Variants in HOOK3 observed in about 807,000 individuals in gnomAD.
HOOK3 encodes protein Hook homolog 3.
HOOK3 carries 24 observed loss-of-function variants against 116.3 expected under a neutral mutation model. The ratio of observed to expected loss-of-function variants is 0.21; its 90% CI spans 0.15 to 0.29. HOOK3 has a LOEUF of 0.29. HOOK3 is among the 10% of genes least tolerant of loss of function. The pLI is 1.00. For missense variants in HOOK3, 632 were observed against 830.2 expected (o/e 0.76, Z 2.93); for synonymous variants, 275 against 283.0 (o/e 0.97, Z 0.28).
chr8:43,023,014 C>T lies in HOOK3; in HGVS notation c.*4516C>T, dbSNP rs1310528264. On this transcript the variant is annotated 3_prime_UTR_variant, in exon 22 of 22. Coordinates refer to ENST00000307602, the MANE Select transcript of HOOK3 (RefSeq NM_032410.4). ...CTGAGGTCAGGAGTTCAAGACCAGCCTGGCTAATATGGTGAAACCCCATCT... is the reference window on the plus strand; with the variant it reads ...CTGAGGTCAGGAGTTCAAGACCAGCTTGGCTAATATGGTGAAACCCCATCT... The T allele has an allele frequency of 6.4e-6, 1 of 156,864 alleles. No individual in the cohort carries two copies. Among genetic ancestry groups the T allele is most frequent in the Non-Finnish European group, 1.4e-5 (1 of 70,864 alleles). 9.7% of individuals were successfully genotyped at this position (156,864 alleles called of 1,614,324 possible). A position where few individuals can be genotyped will look rare whatever the true frequency, so the allele number is the denominator to read the frequency against.
chr8:42,907,498 A>G (rs1488096610), intron 2 of HOOK3, among the ~76,000 whole-genome samples: 2 of 152,164 alleles, frequency 1.3e-5, no homozygotes, highest in Non-Finnish European at 2.9e-5. Context: ...CACTCTGAGA[A>G]GAGTCATCTT....
At chr8:42,947,390 G>GA (rs1808249888) in intron 5 of HOOK3, among the ~76,000 whole-genome samples, 1 of 152,170 alleles carries the variant, frequency 6.6e-6, no homozygotes, top group African/African-American at 2.4e-5. Flanking sequence ...CACAACTGTT[G>GA]AGAGTCAGCT....
At chr8:43,004,757 TAC>T in intron 17 of HOOK3, among the ~76,000 whole-genome samples, 1 of 148,316 alleles carries the variant, frequency 6.7e-6, no homozygotes. Flanking sequence ...AAATCCAACA[TAC>T]TGAGTATTGC....
At chr8:42,925,288 A>G (rs891010193) in intron 2 of HOOK3, among the ~76,000 whole-genome samples, 4 of 151,862 alleles carry the variant, frequency 2.6e-5, no homozygotes, top group Non-Finnish European at 4.4e-5. Flanking sequence ...AGTAGAGACA[A>G]GGTTTCACCA....
At chr8:42,974,393 C>T (rs899694907) in intron 13 of HOOK3, among the ~76,000 whole-genome samples, 199 bp downstream of exon 13, 1 of 152,170 alleles carries the variant, frequency 6.6e-6, no homozygotes, top group Admixed American at 6.5e-5. Context: ...GCCACACCAC[C>T]ACGCCCAGCT....
intron 7 of HOOK3, among the ~76,000 whole-genome samples, chr8:42,957,996 AT>A (rs1248312208): frequency 1.3e-5 from 2 of 150,850 alleles, no homozygotes; most frequent in African/African-American, 2.4e-5. Flanking sequence ...TGCCCAGCTA[AT>A]TTTTTTTTGT....
chr8:42,989,964 T>C (rs2130456525), intron 15 of HOOK3, among the ~76,000 whole-genome samples: 1 of 152,280 alleles, frequency 6.6e-6, no homozygotes, highest in African/African-American at 2.4e-5. Flanking sequence ...TACATCTACA[T>C]ATACCACATT....
At chr8:42,995,382 C>T (rs1012349443) in intron 15 of HOOK3, among the ~76,000 whole-genome samples, 1 of 152,136 alleles carries the variant, frequency 6.6e-6, no homozygotes, top group Non-Finnish European at 1.5e-5. Flanking sequence ...TTTATCTTTC[C>T]TCACCTTTCT....
intron 18 of HOOK3, 42 bp downstream of exon 18, chr8:43,007,971 G>A (rs765680858): frequency 1.0e-6 from 1 of 993,170 alleles, no homozygotes; most frequent in Admixed American, 1.7e-5. Flanking sequence ...TGGGCTTGCT[G>A]TATACTGCCA....
intron 5 of HOOK3, among the ~76,000 whole-genome samples, chr8:42,945,412 C>T (rs1280033290): frequency 6.6e-6 from 1 of 152,058 alleles, no homozygotes; most frequent in Non-Finnish European, 1.5e-5. Context: ...TGGGTTCAAG[C>T]GATTCTCCTG....
At chr8:42,908,082 G>A (rs1339050222) in intron 2 of HOOK3, among the ~76,000 whole-genome samples, 1 of 152,018 alleles carries the variant, frequency 6.6e-6, no homozygotes, top group African/African-American at 2.4e-5. Flanking sequence ...TAGCTACCAA[G>A]TAAAATAAAA....
rs1809973200 is a variant in HOOK3, at chr8:43,028,495, C to T, written c.*9997C>T. The T allele has an allele frequency of 1.1e-5, 2 of 190,034 alleles. No homozygotes were observed. Among genetic ancestry groups the T allele is most frequent in the African/African-American group, 4.7e-5 (2 of 42,860 alleles). The allele number at this position is 190,034 out of a possible 1,614,324, so 11.8% of individuals were successfully genotyped here. A position where few individuals can be genotyped will look rare whatever the true frequency, so the allele number is the denominator to read the frequency against. ...TTTATATAGATCTAATGAACATTGC[C>T]AACAGTTTTTTTTGTTTCTGTCCCT... is the stretch of plus-strand genomic sequence containing the variant. On this transcript the variant is annotated 3_prime_UTR_variant, in exon 22 of 22. Transcript: ENST00000307602.
chr8:42,903,085 C>G (rs575518178), intron 1 of HOOK3, among the ~76,000 whole-genome samples: 1 of 152,120 alleles, frequency 6.6e-6, no homozygotes, highest in Non-Finnish European at 1.5e-5. Context: ...AATCAGTTCC[C>G]GCAGATGGTG....
chr8:42,912,718 G>A (rs1807455250), intron 2 of HOOK3, among the ~76,000 whole-genome samples: 1 of 152,064 alleles, frequency 6.6e-6, no homozygotes, highest in African/African-American at 2.4e-5. Flanking sequence ...CCACCACAAT[G>A]GTATATTTGT....
intron 2 of HOOK3, among the ~76,000 whole-genome samples, chr8:42,915,179 C>T (rs937874529): frequency 6.6e-6 from 1 of 151,966 alleles, no homozygotes; most frequent in African/African-American, 2.4e-5. Flanking sequence ...AGGGACTGTC[C>T]GATGGTCACC....
chr8:42,988,445 G>T (rs1809090103), intron 15 of HOOK3, among the ~76,000 whole-genome samples: 1 of 152,100 alleles, frequency 6.6e-6, no homozygotes, highest in African/African-American at 2.4e-5. Context: ...CTTTATAATT[G>T]TTGCTCTTTT....
At chr8:42,990,665 G>A (rs187909469) in intron 15 of HOOK3, among the ~76,000 whole-genome samples, 133 of 151,930 alleles carry the variant, frequency 8.8e-4, no homozygotes, top group African/African-American at 2.9e-3. Context: ...TTTTAAAATC[G>A]GATTATTGGA....
intron 14 of HOOK3, among the ~76,000 whole-genome samples, chr8:42,984,811 C>T (rs758729346): frequency 5.9e-5 from 9 of 151,656 alleles, no homozygotes; most frequent in Non-Finnish European, 1.2e-4. Flanking sequence ...AACTGAGGCA[C>T]GAGAATCATT....
At chr8:43,008,667 T>TTATTTTTATTTA (rs71550439) in intron 18 of HOOK3, among the ~76,000 whole-genome samples, 6,433 of 146,346 alleles carry the variant, frequency 0.044, 206 homozygotes, top group South Asian at 0.083. Flanking sequence ...ATTTTTATTT[T>TTATTTTTATTTA]TTTTTTTTTT....
Sources: gnomAD v4.1 joint callset for allele counts (sites outside exome capture counted in the v4.1 genomes callset) on GRCh38, gnomAD v4.1.1 for gene constraint, MANE v1.5 for transcripts, NCBI Gene and HGNC (gene_info 2026-07-23, HGNC 2026-07-21) for gene names.